ENTHD1: variants seen among roughly 807,000 people sequenced by gnomAD.
The protein encoded by ENTHD1 is ENTH domain containing 1, also known as ENTH domain-containing protein 1.
A neutral mutation model predicts 39.1 loss-of-function variants in ENTHD1; 23 were observed. The observed-to-expected ratio is 0.59, with a 90% confidence interval of 0.42 to 0.83. The LOEUF (loss-of-function observed/expected upper bound fraction) is 0.83, where lower values mean the gene tolerates loss of function less well. Among genes scored for constraint, ENTHD1 ranks in the 40% least tolerant of loss-of-function variants. The probability of loss-of-function intolerance (pLI) is 0.00; values close to 1 mark genes in which losing one functional copy is unlikely to be tolerated. For missense variants in ENTHD1, 624 were observed against 705.4 expected, an observed-to-expected ratio of 0.88 and a Z score of 1.31; for synonymous variants, 230 against 258.2, an observed-to-expected ratio of 0.89 and a Z score of 1.05.
At chr22:39,790,365 T>G (rs1357436297) in intron 5 of ENTHD1, among the ~76,000 whole-genome samples, 1 of 152,182 alleles carries the variant, frequency 6.6e-6, no homozygotes, top group Non-Finnish European at 1.5e-5. Context: ...GATCTGATTC[T>G]GGACATGTTT....
chr22:39,880,264 A>G (rs1211657759), intron 2 of ENTHD1, among the ~76,000 whole-genome samples: 2 of 152,230 alleles, frequency 1.3e-5, no homozygotes, highest in Admixed American at 6.5e-5. Context: ...ACTAAATGAC[A>G]TTTTGGAAAA....
At chr22:39,883,748 G>A (rs1335733587) in intron 2 of ENTHD1, among the ~76,000 whole-genome samples, 2 of 151,450 alleles carry the variant, frequency 1.3e-5, no homozygotes, top group East Asian at 3.9e-4. Flanking sequence ...CCAGCTACTC[G>A]GGAGGCTGAG....
At chr22:39,783,844 A>AT (rs532978604) in intron 5 of ENTHD1, among the ~76,000 whole-genome samples, 312 of 152,304 alleles carry the variant, frequency 2.0e-3, no homozygotes, top group African/African-American at 7.3e-3. Flanking sequence ...CTGGGCAAAG[A>AT]TTTTTTGTGT....
At chr22:39,744,651 A>G (rs1184253599) in intron 6 of ENTHD1, among the ~76,000 whole-genome samples, 1 of 152,228 alleles carries the variant, frequency 6.6e-6, no homozygotes, top group Non-Finnish European at 1.5e-5. Flanking sequence ...TGGTATTTAA[A>G]GTAGAAAGTG....
At chr22:39,788,888 C>T (rs976010855) in intron 5 of ENTHD1, among the ~76,000 whole-genome samples, 2 of 152,100 alleles carry the variant, frequency 1.3e-5, no homozygotes, top group African/African-American at 4.8e-5. Flanking sequence ...CCTTTTTTAG[C>T]AACAAAGTGT....
chr22:39,865,449 TA>T (rs1197037771), intron 2 of ENTHD1, among the ~76,000 whole-genome samples: 1 of 151,854 alleles, frequency 6.6e-6, no homozygotes, highest in Non-Finnish European at 1.5e-5. Context: ...AAGAACGTAA[TA>T]AACCTGCTTC....
chr22:39,889,970 C>T (rs1239435333), intron 1 of ENTHD1, among the ~76,000 whole-genome samples: 1 of 151,944 alleles, frequency 6.6e-6, no homozygotes, highest in East Asian at 1.9e-4. Flanking sequence ...TGGTGGCACA[C>T]ACCTGTAATC....
intron 3 of ENTHD1, among the ~76,000 whole-genome samples, chr22:39,842,923 C>T (rs1320006816): frequency 2.0e-5 from 3 of 147,544 alleles, no homozygotes; most frequent in Non-Finnish European, 4.5e-5. Context: ...CCATCTCACA[C>T]CAGTTAGAAT....
chr22:39,825,294 G>A (rs1488112224), intron 4 of ENTHD1, among the ~76,000 whole-genome samples: 1 of 152,138 alleles, frequency 6.6e-6, no homozygotes, highest in Non-Finnish European at 1.5e-5. Context: ...TTAGTATGTA[G>A]ACATTCAGTT....
intron 3 of ENTHD1, among the ~76,000 whole-genome samples, chr22:39,861,307 A>C (rs1569171848): frequency 6.6e-6 from 1 of 152,228 alleles, no homozygotes; most frequent in Non-Finnish European, 1.5e-5. Flanking sequence ...TCGGAGGCCA[A>C]GGCAGGAGGA....
chr22:39,871,914 A>G (rs2066247558), intron 2 of ENTHD1, among the ~76,000 whole-genome samples: 1 of 152,244 alleles, frequency 6.6e-6, no homozygotes, highest in African/African-American at 2.4e-5. Context: ...TTGTTCATCA[A>G]AAATATTTGT....
At chr22:39,889,734 T>A (rs184686557) in intron 1 of ENTHD1, among the ~76,000 whole-genome samples, 1,699 of 152,190 alleles carry the variant, frequency 0.011, 26 homozygotes, top group Admixed American at 0.052. Context: ...TTCTTTTTTT[T>A]AAAAAAATGA....
At chr22:39,874,858 A>G (rs1733725926) in intron 2 of ENTHD1, among the ~76,000 whole-genome samples, 1 of 152,212 alleles carries the variant, frequency 6.6e-6, no homozygotes, top group Non-Finnish European at 1.5e-5. Flanking sequence ...TGAAAATAAT[A>G]ACATTCCTAA....
Position 39,791,161 on chromosome 22 carries a change from G to A in ENTHD1, c.833-25552C>T, listed in dbSNP as rs188576455. Among the ~76,000 whole-genome samples the A allele has an allele frequency of 7.2e-3, 1,070 of 147,840 alleles. 6 individuals carry two copies. Among genetic ancestry groups the A allele is most frequent in the Non-Finnish European group, 0.012 (830 of 67,194 alleles). On this transcript the variant is annotated intron_variant, in intron 5 of 6. Coordinates refer to ENST00000325157, the MANE Select transcript of ENTHD1 (RefSeq NM_152512.4). ...TATAGATAGCCTGGTAGAGTCTAAA[G>A]TTATATATATTATATATATATATAA...
intron 3 of ENTHD1, among the ~76,000 whole-genome samples, chr22:39,839,390 A>G (rs1445031460): frequency 6.6e-6 from 1 of 152,214 alleles, no homozygotes; most frequent in African/African-American, 2.4e-5. Flanking sequence ...GTAATCAAAA[A>G]CAACCACAAA....
intron 5 of ENTHD1, among the ~76,000 whole-genome samples, chr22:39,775,123 C>A (rs1370092474): frequency 6.6e-6 from 1 of 152,134 alleles, no homozygotes; most frequent in African/African-American, 2.4e-5. Context: ...TTCATTATTT[C>A]AAATATTATT....
chr22:39,745,189 A>G (rs2065093770), intron 6 of ENTHD1, among the ~76,000 whole-genome samples: 1 of 152,204 alleles, frequency 6.6e-6, no homozygotes, highest in South Asian at 2.1e-4. Flanking sequence ...TTTCTTAAAC[A>G]TGGAACTTTT....
Position 39,875,966 on chromosome 22 carries a change from G to A in ENTHD1, c.349+11434C>T, listed in dbSNP as rs1275748267. ...CACTCATCTTGGTTGTGTACCCATT[G>A]CAAATGCAGGAGATTTTGGTGGTTA... On this transcript the variant is annotated intron_variant, in intron 2 of 6. Transcript: ENST00000325157. 6.2e-6 allele frequency: 10 copies of A among 1,613,850 alleles called. No individual in the cohort carries two copies. In the East Asian group the frequency reaches 1.8e-4, roughly 29 times the overall value.
chr22:39,801,534 C>T (rs957583642), intron 5 of ENTHD1, among the ~76,000 whole-genome samples: 7 of 152,226 alleles, frequency 4.6e-5, no homozygotes. Flanking sequence ...AGAACATTTG[C>T]ATGAGCGTAA....
Sources: allele counts gnomAD v4.1 joint callset (sites outside exome capture counted in the v4.1 genomes callset), GRCh38; gene constraint gnomAD v4.1.1; transcripts MANE v1.5; gene names NCBI Gene and HGNC (gene_info 2026-07-23, HGNC 2026-07-21).